Variants in CECR2 observed in about 807,000 individuals in gnomAD.
CECR2 encodes the protein chromatin remodeling regulator CECR2.
Under a neutral mutation model 154.5 loss-of-function variants are expected in CECR2, and 30 were observed. The ratio of observed to expected loss-of-function variants is 0.19; its 90% CI spans 0.15 to 0.26. The LOEUF (loss-of-function observed/expected upper bound fraction) is 0.26, where lower values mean the gene tolerates loss of function less well. Ranked by LOEUF, CECR2 falls within the 10% of genes least tolerant of loss-of-function variation. CECR2 has a pLI of 1.00. For synonymous variants in CECR2, 725 were observed against 683.7 expected (o/e 1.06, Z -0.94); for missense variants, 1,743 against 1,829.3 (o/e 0.95, Z 0.86).
rs555537820 is a variant in CECR2, at chr22:17,409,090, C to A, written c.126+39181C>A. 2.0e-5 allele frequency among the ~76,000 whole-genome samples: 3 copies of A among 152,146 alleles called. No individual in the cohort carries two copies. In the East Asian group the frequency reaches 5.8e-4, roughly 29 times the overall value. ...CTGATCAGCCTATCTATAGCTTGTT[C>A]TGTTTTATTAATTTTAAATGTTGTT... On this transcript the variant is annotated intron_variant, in intron 1 of 18. Coordinates refer to ENST00000262608, the MANE Select transcript of CECR2 (RefSeq NM_001290047.2).
At chr22:17,496,454 C>T (rs535493728) in intron 2 of CECR2, among the ~76,000 whole-genome samples, 2 of 150,660 alleles carry the variant, frequency 1.3e-5, no homozygotes, top group Non-Finnish European at 2.9e-5. Context: ...GAGCTGACAT[C>T]GAGCCACTGC....
At chr22:17,380,087 T>C (rs897681872) in intron 1 of CECR2, among the ~76,000 whole-genome samples, 1 of 152,090 alleles carries the variant, frequency 6.6e-6, no homozygotes, top group Non-Finnish European at 1.5e-5. Flanking sequence ...TTCTACTCCC[T>C]TGTGCTCTAC....
chr22:17,365,549 A>T (rs1026854757), upstream of CECR2, among the ~76,000 whole-genome samples: 2 of 151,306 alleles, frequency 1.3e-5, no homozygotes, highest in African/African-American at 2.4e-5. Context: ...AAAAAAAATC[A>T]GCCAGGCGTG....
intron 2 of CECR2, among the ~76,000 whole-genome samples, chr22:17,484,864 C>T (rs1035868164): frequency 7.2e-5 from 11 of 152,136 alleles, no homozygotes; most frequent in Non-Finnish European, 1.5e-4. Flanking sequence ...TGCGACAGAG[C>T]GAAAGTGTGT....
At chr22:17,446,907 A>C (rs2072628785) in intron 1 of CECR2, among the ~76,000 whole-genome samples, 3 of 147,814 alleles carry the variant, frequency 2.0e-5, no homozygotes, top group African/African-American at 5.2e-5. Flanking sequence ...CAGAGCGCTG[A>C]TTGGTCCATT....
Position 17,548,919 on chromosome 22 carries a change from A to T in CECR2, c.3632A>T (p.Asp1211Val), listed in dbSNP as rs201661747. ...PYYACPQSFS[D>V]WQRPLHPQGS... is the part of the protein sequence containing the mutation. The stretch of plus-strand genomic sequence containing the variant: ...TATGCCTGTCCACAGAGCTTTTCTG[A>T]CTGGCAGAGACCTCTCCATCCCCAG... The change falls in exon 17 of 19, where the codon GAC (aspartate) becomes GTC (valine). Residue 1211 changes from aspartate (D) to valine (V), a missense_variant. By Grantham distance (152) the Asp-to-Val change is radical (BLOSUM62 -3). Around this residue, in one of 4 missense-constraint regions of CECR2, gnomAD observed 1,250 missense variants for 1,192.1 expected, o/e 1.05. Transcript: ENST00000262608. The T allele has an allele frequency of 4.1e-5, 66 of 1,613,474 alleles. No individual in the cohort carries two copies. In the African/African-American group the frequency reaches 7.5e-4, roughly 18 times the overall value.
At chr22:17,441,456 A>T (rs1434441427) in intron 1 of CECR2, among the ~76,000 whole-genome samples, 1 of 152,198 alleles carries the variant, frequency 6.6e-6, no homozygotes, top group Non-Finnish European at 1.5e-5. Flanking sequence ...TTTGTATTGT[A>T]GTATGGTAAT....
intron 7 of CECR2, among the ~76,000 whole-genome samples, chr22:17,509,750 C>G (rs547972134): frequency 4.1e-4 from 63 of 152,306 alleles, no homozygotes; most frequent in African/African-American, 1.4e-3. Flanking sequence ...ACTCGGTCCT[C>G]TCCCATTGTT....
intron 9 of CECR2, among the ~76,000 whole-genome samples, chr22:17,529,223 C>T (rs1409458508): frequency 6.6e-6 from 1 of 152,114 alleles, no homozygotes; most frequent in Non-Finnish European, 1.5e-5. Context: ...GGATATGCAG[C>T]AGGAAGTCCA....
chr22:17,547,290 C>T (rs2056629487), intron 16 of CECR2, among the ~76,000 whole-genome samples: 1 of 151,376 alleles, frequency 6.6e-6, no homozygotes, highest in African/African-American at 2.4e-5. Context: ...AGTACAGTGG[C>T]ACAATCTTGG....
rs189100021 is a variant in CECR2, at chr22:17,556,382, G to A, written c.*3542G>A. ...ATTTACTCTGTCTTGTTCCCTGAAA[G>A]TGTTTCTTGTGACTAAGCATTTGGT... On this transcript the variant is annotated 3_prime_UTR_variant, in exon 19 of 19. Transcript: ENST00000262608. The A allele has an allele frequency of 3.3e-5, 5 of 152,278 alleles. No individual in the cohort carries two copies. Among genetic ancestry groups the A allele is most frequent in the Admixed American group, 3.3e-4 (5 of 15,280 alleles). 9.4% of individuals were successfully genotyped at this position (152,278 alleles called of 1,614,324 possible). A position where few individuals can be genotyped will look rare whatever the true frequency, so the allele number is the denominator to read the frequency against.
intron 2 of CECR2, among the ~76,000 whole-genome samples, chr22:17,496,685 G>A (rs572467142): frequency 8.5e-5 from 13 of 152,098 alleles, no homozygotes; most frequent in South Asian, 2.1e-4. Context: ...CCAACTATGC[G>A]TTTCTTTTTT....
intron 1 of CECR2, 45 bp downstream of exon 1, chr22:17,369,954 T>TCCCCCTGCC (rs2063034845): frequency 1.3e-5 from 2 of 149,748 alleles, no homozygotes; most frequent in Non-Finnish European, 3.0e-5. Context: ...CGCCCCCTGC[T>TCCCCCTGCC]CCCCCTGCCC....
intron 1 of CECR2, among the ~76,000 whole-genome samples, chr22:17,421,869 A>T: frequency 7.1e-6 from 1 of 140,534 alleles, no homozygotes; most frequent in Non-Finnish European, 1.5e-5. Flanking sequence ...AAACAAAAAA[A>T]ACTTTTTTTT....
chr22:17,439,015 A>AT (rs1043437317), intron 1 of CECR2, among the ~76,000 whole-genome samples: 2 of 151,828 alleles, frequency 1.3e-5, no homozygotes, highest in South Asian at 2.1e-4. Flanking sequence ...ATCTCTACAC[A>AT]TTTTTTTTAA....
chr22:17,523,015 A>AGGGGGGG (rs2056185705), intron 8 of CECR2, among the ~76,000 whole-genome samples: 3 of 140,412 alleles, frequency 2.1e-5, no homozygotes, highest in South Asian at 2.2e-4. Flanking sequence ...GGGGGGAAAA[A>AGGGGGGG]AAAAAGCCTG....
chr22:17,553,087 C>A lies in CECR2; in HGVS notation c.*247C>A. The A allele has an allele frequency of 1.3e-6, 1 of 752,314 alleles. No individual in the cohort carries two copies. The highest frequency in any genetic ancestry group is 1.8e-6 in the Non-Finnish European group (1 of 547,142). The allele number at this position is 752,314 out of a possible 1,614,324, so 46.6% of individuals were successfully genotyped here. A position where few individuals can be genotyped will look rare whatever the true frequency, so the allele number is the denominator to read the frequency against. On this transcript the variant is annotated 3_prime_UTR_variant, in exon 19 of 19. Coordinates refer to ENST00000262608, the MANE Select transcript of CECR2 (RefSeq NM_001290047.2). ...TGCACAGCTGATGTAGACAGTCAGGCAAAACTAATGAACGTGGAGTTAATG... is the reference window on the plus strand; with the variant it reads ...TGCACAGCTGATGTAGACAGTCAGGAAAAACTAATGAACGTGGAGTTAATG...
chr22:17,416,938 T>C (rs895054652), intron 1 of CECR2, among the ~76,000 whole-genome samples: 34 of 152,158 alleles, frequency 2.2e-4, no homozygotes, highest in African/African-American at 7.7e-4. Flanking sequence ...ATTATTTCCA[T>C]ATAGTAACTC....
intron 1 of CECR2, among the ~76,000 whole-genome samples, chr22:17,379,122 A>G (rs5992680): frequency 0.075 from 11,334 of 151,820 alleles, 1,055 homozygotes; most frequent in African/African-American, 0.22. Context: ...ACACCCGGCT[A>G]ATTTTTGTAT....
Sources: allele counts gnomAD v4.1 joint callset (sites outside exome capture counted in the v4.1 genomes callset), GRCh38; gene constraint gnomAD v4.1.1; regional missense constraint gnomAD v4.1.1; transcripts MANE v1.5; gene names NCBI Gene and HGNC (gene_info 2026-07-23, HGNC 2026-07-21).